The following COL10A1 variants were observed in gnomAD, a reference collection of about 807,000 sequenced individuals.
COL10A1 encodes collagen alpha-1(X) chain.
Under a neutral mutation model 18.2 loss-of-function variants are expected in COL10A1, and 10 were observed. That is an observed-to-expected ratio of 0.55 (90% CI 0.34 to 0.93). COL10A1 has a LOEUF of 0.93. Among genes scored for constraint, COL10A1 ranks in the 40% least tolerant of loss-of-function variants. The pLI is 0.02. For missense variants in COL10A1, 897 were observed against 853.5 expected (o/e 1.05, Z -0.64); for synonymous variants, 330 against 316.6 (o/e 1.04, Z -0.45).
chr6:116,195,061 C>G, the COL10A1 span, among the ~76,000 whole-genome samples: 1 of 152,062 alleles, frequency 6.6e-6, no homozygotes, highest in Non-Finnish European at 1.5e-5. Flanking sequence ...GCTTTGACTT[C>G]TAGGTAGCAT....
chr6:116,173,478 C>T, the COL10A1 span, among the ~76,000 whole-genome samples: 4 of 152,092 alleles, frequency 2.6e-5, no homozygotes, highest in Admixed American at 2.0e-4. Context: ...GGCAGCCTGT[C>T]AGTCCCTTTA....
the COL10A1 span, among the ~76,000 whole-genome samples, chr6:116,184,031 TG>T: frequency 6.6e-6 from 1 of 152,060 alleles, no homozygotes; most frequent in Non-Finnish European, 1.5e-5. Context: ...ATGTTGACTG[TG>T]GGTTTGTCAT....
chr6:116,193,620 T>A, the COL10A1 span, among the ~76,000 whole-genome samples: 1 of 152,098 alleles, frequency 6.6e-6, no homozygotes. Context: ...ATCTCTGTGC[T>A]AAGGGACAGT....
At chr6:116,214,574 A>G in the COL10A1 span, among the ~76,000 whole-genome samples, 1 of 152,104 alleles carries the variant, frequency 6.6e-6, no homozygotes, top group Non-Finnish European at 1.5e-5. Context: ...TTAGAAATGC[A>G]CATCTTCAGG....
intron 1 of COL10A1, among the ~76,000 whole-genome samples, chr6:116,148,218 G>A (rs1022247840): frequency 6.6e-6 from 1 of 152,052 alleles, no homozygotes; most frequent in African/African-American, 2.4e-5. Flanking sequence ...GTAAGTTGGG[G>A]ACAGGGGTGG....
At chr6:116,196,937 A>G in the COL10A1 span, among the ~76,000 whole-genome samples, 5 of 151,368 alleles carry the variant, frequency 3.3e-5, no homozygotes, top group Non-Finnish European at 5.9e-5. Flanking sequence ...TGGAATAGCC[A>G]TGTTTTCTCC....
the COL10A1 span, among the ~76,000 whole-genome samples, chr6:116,190,810 G>A: frequency 6.6e-6 from 1 of 151,992 alleles, no homozygotes; most frequent in Non-Finnish European, 1.5e-5. Context: ...AGGTCTGCTG[G>A]ATTTCAGTAA....
chr6:116,166,578 A>G, the COL10A1 span, among the ~76,000 whole-genome samples: 1 of 152,134 alleles, frequency 6.6e-6, no homozygotes, highest in Non-Finnish European at 1.5e-5. Context: ...ATCGATCTCC[A>G]TTTACCCAGT....
chr6:116,204,433 T>A, the COL10A1 span, among the ~76,000 whole-genome samples: 1 of 151,956 alleles, frequency 6.6e-6, no homozygotes, highest in Admixed American at 6.6e-5. Flanking sequence ...CCACTTTCAC[T>A]TAGTATATCA....
At chr6:116,151,262 G>T (rs1315637580) in intron 1 of COL10A1, among the ~76,000 whole-genome samples, 1 of 152,158 alleles carries the variant, frequency 6.6e-6, no homozygotes, top group South Asian at 2.1e-4. Context: ...ATCAGAATAT[G>T]TGGGCCTGTG....
intron 1 of COL10A1, chr6:116,137,487 C>T (rs1440503125): frequency 5.2e-6 from 1 of 192,052 alleles, no homozygotes; most frequent in Non-Finnish European, 1.1e-5. Context: ...GCCATTGAGC[C>T]TCTCAGCTGG....
At chr6:116,204,406 G>A in the COL10A1 span, among the ~76,000 whole-genome samples, 3 of 151,924 alleles carry the variant, frequency 2.0e-5, no homozygotes, top group African/African-American at 7.2e-5. Context: ...GAAATGCAAG[G>A]TAAAACAATG....
Position 116,120,043 on chromosome 6 carries a change from G to T in COL10A1, c.*30C>A. 6.5e-7 allele frequency: 1 copy of T among 1,545,764 alleles called. No individual in the cohort carries two copies. The highest frequency in any genetic ancestry group is 8.7e-7 in the Non-Finnish European group (1 of 1,143,526). On this transcript the variant is annotated 3_prime_UTR_variant, in exon 3 of 3. Transcript: ENST00000651968. ...GTAGAGTTAGAGAATGCTTTTTCTA[G>T]CACAAGATTTAGATTAGCTCTGTGT... is the stretch of plus-strand genomic sequence containing the variant.
At chr6:116,168,102 T>A in the COL10A1 span, among the ~76,000 whole-genome samples, 6 of 136,942 alleles carry the variant, frequency 4.4e-5, no homozygotes, top group Admixed American at 2.1e-4. Context: ...TTTTTTTTTT[T>A]AAATTCTCCT....
the COL10A1 span, among the ~76,000 whole-genome samples, chr6:116,165,481 G>T: frequency 0.018 from 2,815 of 152,250 alleles, 36 homozygotes; most frequent in Non-Finnish European, 0.03. Context: ...ATAAATTATA[G>T]ATTTGGTGAC....
intron 1 of COL10A1, among the ~76,000 whole-genome samples, chr6:116,135,863 A>ATGTATGTATATATATATATATATG (rs1562132679): frequency 8.0e-6 from 1 of 124,916 alleles, no homozygotes; most frequent in African/African-American, 3.2e-5. Flanking sequence ...ATATATATAT[A>ATGTATGTATATATATATATATATG]TATATATATA....
upstream of COL10A1, among the ~76,000 whole-genome samples, chr6:116,161,805 A>G (rs1780339040): frequency 6.6e-6 from 1 of 152,180 alleles, no homozygotes; most frequent in Admixed American, 6.5e-5. Flanking sequence ...TTGACTTTCT[A>G]GATTGCTTTG....
chr6:116,168,633 T>C, the COL10A1 span, among the ~76,000 whole-genome samples: 1 of 152,116 alleles, frequency 6.6e-6, no homozygotes, highest in Admixed American at 6.6e-5. Flanking sequence ...TTTTGATTGT[T>C]TGTTTTGTTT....
rs764863859 is a variant in COL10A1 at position 116,121,484 on chromosome 6, G to A, written c.632C>T (p.Thr211Ile). The A allele has an allele frequency of 5.6e-6, 9 of 1,614,122 alleles. No homozygotes were observed. In the South Asian group the frequency reaches 8.8e-5, roughly 16 times the overall value. The stretch of plus-strand genomic sequence containing the variant: ...CACTCCAGGAGGGCCAGATGGTCCT[G>A]TGGGACCCTGAGGGCCTGGAAGACC... Reference protein sequence around the residue: ...ERGLPGPQGPTGPSGPPGVGK... With the variant: ...ERGLPGPQGPIGPSGPPGVGK... Residue 211 changes from threonine (T) to isoleucine (I), a missense_variant, in exon 3 of 3, where the codon ACA becomes ATA. Physicochemically the swap from Thr to Ile is moderately conservative, Grantham distance 89 (BLOSUM62 -1). Coordinates refer to ENST00000651968, the MANE Select transcript of COL10A1 (RefSeq NM_000493.4).
Sources: gnomAD v4.1 joint callset for allele counts (sites outside exome capture counted in the v4.1 genomes callset) on GRCh38, gnomAD v4.1.1 for gene constraint, MANE v1.5 for transcripts, NCBI Gene and HGNC (gene_info 2026-07-23, HGNC 2026-07-21) for gene names.